The following MAPK13 variants were observed in gnomAD, a reference collection of about 807,000 sequenced individuals.
MAPK13 encodes the protein mitogen-activated protein kinase 13.
In MAPK13, 39 loss-of-function variants were observed where a neutral mutation model predicts 53.5. The observed-to-expected ratio is 0.73, with a 90% CI of 0.56 to 0.95. MAPK13 has a LOEUF of 0.95. Ranked by LOEUF, MAPK13 falls within the 40% of genes least tolerant of loss-of-function variation. MAPK13 has a pLI of 0.00. For synonymous variants in MAPK13, 179 were observed against 190.9 expected (o/e 0.94, Z 0.51); for missense variants, 460 against 471.8 (o/e 0.98, Z 0.23).
Position 36,130,678 on chromosome 6 carries a change from C to T in MAPK13, c.96C>T (p.Gly32=). Residue 32 remains glycine, a synonymous_variant, in exon 1 of 12, where the codon GGC becomes GGT. Coordinates refer to ENST00000211287, the MANE Select transcript of MAPK13 (RefSeq NM_002754.5). The surrounding 1 kb of genome is among the most constrained non-coding windows in gnomAD (Gnocchi z 4.5). The part of the protein sequence containing the change: ...PKTYVSPTHV[G]SGAYGSVCSA... ...CCTACGTGTCCCCGACGCACGTCGGCAGCGGGGCCTATGGCTCCGTGTGGT... is the reference window on the plus strand; with the variant it reads ...CCTACGTGTCCCCGACGCACGTCGGTAGCGGGGCCTATGGCTCCGTGTGGT... The T allele has an allele frequency of 6.4e-7, 1 of 1,563,838 alleles. No homozygotes were observed. Among genetic ancestry groups the T allele is most frequent in the Non-Finnish European group, 8.6e-7 (1 of 1,157,374 alleles).
rs762277331 is a variant in MAPK13 at position 36,136,072 on chromosome 6, C to T, written c.447+24C>T. Reference sequence around the variant, plus strand: ...GGGTGAGTGCTTTCTCTGCCATGGTCCTCAGAGGCCCCTGTCCCATCCCTG... The same window carrying T: ...GGGTGAGTGCTTTCTCTGCCATGGTTCTCAGAGGCCCCTGTCCCATCCCTG... On this transcript the variant is annotated intron_variant, in intron 5 of 11. Coordinates refer to ENST00000211287, the MANE Select transcript of MAPK13 (RefSeq NM_002754.5). 32 of 1,613,732 alleles carry T rather than the reference C, an allele frequency of 2.0e-5. No homozygotes were observed. The South Asian group carries it at 3.3e-4, about 17-fold the overall frequency.
Position 36,136,675 on chromosome 6 carries a change from C to T in MAPK13, c.515C>T (p.Ala172Val), listed in dbSNP as rs771364241. 8.7e-6 allele frequency: 14 copies of T among 1,613,696 alleles called. No individual in the cohort carries two copies. The highest frequency in any genetic ancestry group is 1.1e-5 in the South Asian group (1 of 91,014). The change falls in exon 7 of 12, where the codon GCG (alanine) becomes GTG (valine). Residue 172 changes from alanine to valine, a missense_variant. Coordinates refer to ENST00000211287, the MANE Select transcript of MAPK13 (RefSeq NM_002754.5). The part of the protein sequence containing the change: ...CELKILDFGL[A>V]RHADAEMTGY... ...CCATAGATTCTGGATTTTGGGCTGG[C>T]GCGACATGCAGACGCCGAGATGACT... is the stretch of plus-strand genomic sequence containing the variant.
chr6:36,134,408 A>G (rs1040171382), intron 3 of MAPK13, among the ~76,000 whole-genome samples: 5 of 152,188 alleles, frequency 3.3e-5, no homozygotes, highest in Non-Finnish European at 7.3e-5. Context: ...TAAATTTATT[A>G]TATTCTAGAG....
Position 36,139,526 on chromosome 6 carries a change from T to A in MAPK13, c.*153T>A, listed in dbSNP as rs765710047. ...GGAAATGGGCCTAGTAGATGCAGAA[T>A]TCAAAGATGTCGGTTGGGAGAAACT... On this transcript the variant is annotated 3_prime_UTR_variant, in exon 12 of 12. Coordinates refer to ENST00000211287, the MANE Select transcript of MAPK13 (RefSeq NM_002754.5). 2.1e-5 allele frequency: 13 copies of A among 625,114 alleles called. No individual in the cohort carries two copies. Among genetic ancestry groups the A allele is most frequent in the Non-Finnish European group, 3.4e-5 (12 of 352,094 alleles). The allele number at this position is 625,114 out of a possible 1,614,324, so 38.7% of individuals were successfully genotyped here.
rs1766294125 is a variant in MAPK13, at chr6:36,130,523, G to A, written c.-60G>A. ...GGCGCAGCGGGGGTCGGGGCGCTGG[G>A]AGCCCGTTGGGCCGCGAACGCAGCC... is the stretch of plus-strand genomic sequence containing the variant. On this transcript the variant is annotated 5_prime_UTR_variant, in exon 1 of 12. Transcript: ENST00000211287. This position sits in a 1 kb window ranked among gnomAD's most constrained non-coding sequence, Gnocchi z 4.5. 3.7e-6 allele frequency: 3 copies of A among 805,580 alleles called. No individual in the cohort carries two copies. The highest frequency in any genetic ancestry group is 3.8e-6 in the Non-Finnish European group (2 of 527,404). 49.9% of individuals were successfully genotyped at this position (805,580 alleles called of 1,614,324 possible). A position where few individuals can be genotyped will look rare whatever the true frequency, so the allele number is the denominator to read the frequency against.
rs1766577136 is a variant in MAPK13, at chr6:36,143,606, A to AAATT, written c.*4234_*4237dup. The AAATT allele has an allele frequency of 6.6e-6, 1 of 152,074 alleles. No homozygotes were observed. Among genetic ancestry groups the AAATT allele is most frequent in the Admixed American group, 6.5e-5 (1 of 15,272 alleles). The allele number at this position is 152,074 out of a possible 1,614,324, so 9.4% of individuals were successfully genotyped here. A position where few individuals can be genotyped will look rare whatever the true frequency, so the allele number is the denominator to read the frequency against. Reference sequence around the variant, plus strand: ...CCCAACTCTTGGCTTTTGCTTCCTTAAATTTGAACAATTCCCTAAGATCTA... The same window carrying AAATT: ...CCCAACTCTTGGCTTTTGCTTCCTTAAATTAATTTGAACAATTCCCTAAGATCTA... On this transcript the variant is annotated 3_prime_UTR_variant, in exon 12 of 12. Coordinates refer to ENST00000211287, the MANE Select transcript of MAPK13 (RefSeq NM_002754.5).
At position 36,139,069 on chromosome 6, in the gene MAPK13, C is replaced by T. The variant is rs759229615; in HGVS notation, c.1018+14C>T. Reference sequence around the variant, plus strand: ...ATGAATGGAAGCGTAAGAGCTGGGGCCTCGGGCTTCCTCGCCTCCGCCTGC... The same window carrying T: ...ATGAATGGAAGCGTAAGAGCTGGGGTCTCGGGCTTCCTCGCCTCCGCCTGC... On this transcript the variant is annotated intron_variant, in intron 11 of 11. Coordinates refer to ENST00000211287, the MANE Select transcript of MAPK13 (RefSeq NM_002754.5). The T allele has an allele frequency of 5.1e-6, 8 of 1,560,962 alleles. No individual in the cohort carries two copies. Among genetic ancestry groups the T allele is most frequent in the African/African-American group, 1.4e-5 (1 of 72,764 alleles).
chr6:36,134,900 G>C (rs1766385815), intron 3 of MAPK13, among the ~76,000 whole-genome samples: 1 of 152,224 alleles, frequency 6.6e-6, no homozygotes, highest in Non-Finnish European at 1.5e-5. Flanking sequence ...TGTAGTTGTA[G>C]CTACTCAGGG....
chr6:36,134,403 TTA>T, intron 3 of MAPK13, among the ~76,000 whole-genome samples: 1 of 152,274 alleles, frequency 6.6e-6, no homozygotes, highest in East Asian at 1.9e-4. Flanking sequence ...AGTTTTAAAT[TTA>T]TTATATTCTA....
intron 3 of MAPK13, 71 bp from the exon 4 acceptor site, chr6:36,135,682 C>A: frequency 9.3e-7 from 1 of 1,076,404 alleles, no homozygotes; most frequent in South Asian, 1.4e-5. Flanking sequence ...GCCCTGAGGT[C>A]CCTCCTCTGA....
At chr6:36,131,920 T>A (rs1005798750) in intron 2 of MAPK13, among the ~76,000 whole-genome samples, 2 of 152,152 alleles carry the variant, frequency 1.3e-5, no homozygotes, top group Non-Finnish European at 2.9e-5. Flanking sequence ...GAGCTGGGGT[T>A]TCAATCTCGG....
rs1474977102 is a variant in MAPK13, at chr6:36,131,351, A to C, written c.200A>C (p.Lys67Thr). The change falls in exon 2 of 12, where the codon AAG becomes ACG. Residue 67 changes from lysine to threonine, a missense_variant. Physicochemically the swap from Lys to Thr is moderately conservative, Grantham distance 78. Coordinates refer to ENST00000211287, the MANE Select transcript of MAPK13 (RefSeq NM_002754.5). The part of the protein sequence containing the change: ...SRPFQSEIFA[K>T]RAYRELLLLK... ...CCCTTTCAGTCCGAGATCTTCGCCA[A>C]GCGCGCCTACCGGGAGCTGCTGCTG... 1.2e-6 allele frequency: 2 copies of C among 1,613,868 alleles called. No homozygotes were observed. Among genetic ancestry groups the C allele is most frequent in the Admixed American group, 1.7e-5 (1 of 60,006 alleles).
In MAPK13 at chr6:36,139,280, G is replaced by C. The variant is rs1008933279; in HGVS notation, c.1019-14G>C. ...CACCTCTTTACGCACCTTAAACCAT[G>C]CTGCCTTTCTCAGAGCACATCTACA... is the stretch of plus-strand genomic sequence containing the variant. On this transcript the variant is annotated splice_polypyrimidine_tract_variant and intron_variant, in intron 11 of 11. Transcript: ENST00000211287. 2 of 1,612,720 alleles carry C rather than the reference G, an allele frequency of 1.2e-6. No individual in the cohort carries two copies. Among genetic ancestry groups the C allele is most frequent in the Non-Finnish European group, 1.7e-6 (2 of 1,178,908 alleles).
intron 2 of MAPK13, among the ~76,000 whole-genome samples, 174 bp from the exon 3 acceptor site, chr6:36,132,447 G>T (rs1024718056): frequency 3.9e-5 from 6 of 152,238 alleles, no homozygotes; most frequent in African/African-American, 1.4e-4. Context: ...AAATCCAGGG[G>T]ATTCCTCTAG....
In MAPK13 at chr6:36,139,010, G is replaced by A; in HGVS notation, c.973G>A (p.Asp325Asn). ...EEETEAQQPF[D>N]DSLEHEKLTV... ...AGAGACGGAGGCCCAGCAGCCGTTT[G>A]ATGATTCCTTAGAACACGAGAAACT... The change falls in exon 11 of 12, where the codon GAT becomes AAT. Residue 325 changes from aspartate (D) to asparagine (N), a missense_variant. By Grantham distance (23) the Asp-to-Asn change is conservative. Coordinates refer to ENST00000211287, the MANE Select transcript of MAPK13 (RefSeq NM_002754.5). 6.2e-7 allele frequency: 1 copy of A among 1,612,830 alleles called. No homozygotes were observed. Among genetic ancestry groups the A allele is most frequent in the Non-Finnish European group, 8.5e-7 (1 of 1,179,624 alleles).
Position 36,136,668 on chromosome 6 carries a change from G to C in MAPK13, c.508G>C (p.Gly170Arg). ...CCCTGTGCCATAGATTCTGGATTTT[G>C]GGCTGGCGCGACATGCAGACGCCGA... ...EDCELKILDFGLARHADAEMT... is the reference protein window; with the variant it reads ...EDCELKILDFRLARHADAEMT... The change falls in exon 7 of 12, where the codon GGG becomes CGG. Residue 170 changes from glycine (G) to arginine (R), a missense_variant. Coordinates refer to ENST00000211287, the MANE Select transcript of MAPK13 (RefSeq NM_002754.5). The C allele has an allele frequency of 6.2e-7, 1 of 1,613,852 alleles. No homozygotes were observed. The highest frequency in any genetic ancestry group is 8.5e-7 in the Non-Finnish European group (1 of 1,179,870).
rs774964902 is a variant in MAPK13 at position 36,136,886 on chromosome 6, CTG to C, written c.619_620del (p.Trp207ValfsTer102). ...WMHYNQTVDIWSVGCIMAEML... is the reference protein window; with the variant it reads ...WMHYNQTVDIXSVGCIMAEML... ...CTCTCCCTCCCTCTGCAGTGGACAT[CTG>C]GTCTGTGGGCTGTATCATGGCAGAG... On this transcript the variant is annotated frameshift_variant, in exon 8 of 12. Coordinates refer to ENST00000211287, the MANE Select transcript of MAPK13 (RefSeq NM_002754.5). LOFTEE classifies it high-confidence loss of function. The C allele has an allele frequency of 6.2e-7, 1 of 1,614,160 alleles. No individual in the cohort carries two copies. Among genetic ancestry groups the C allele is most frequent in the South Asian group, 1.1e-5 (1 of 91,082 alleles).
chr6:36,136,144 G>A (rs2252430), intron 5 of MAPK13, 96 bp downstream of exon 5: 1,398,578 of 1,471,838 alleles, frequency 0.95, 664,656 homozygotes, highest in East Asian at 1. Context: ...TTGGAGGGAG[G>A]GGACACTGCC....
At chr6:36,131,943 C>T (rs1292181340) in intron 2 of MAPK13, among the ~76,000 whole-genome samples, 1 of 152,208 alleles carries the variant, frequency 6.6e-6, no homozygotes. Context: ...GCGAGGCTCC[C>T]GGTCTGAGCA....
Sources: gnomAD v4.1 joint callset for allele counts (sites outside exome capture counted in the v4.1 genomes callset) on GRCh38, gnomAD v4.1.1 for gene constraint, Gnocchi (gnomAD v3.1) non-coding constraint, MANE v1.5 for transcripts, NCBI Gene and HGNC (gene_info 2026-07-23, HGNC 2026-07-21) for gene names.